The following USP34 variants were observed in gnomAD, a reference collection of about 807,000 sequenced individuals.
USP34 encodes the protein ubiquitin specific peptidase 34.
USP34 carries 70 observed loss-of-function variants against 460.3 expected under a neutral mutation model. The observed-to-expected ratio is 0.15, with a 90% CI of 0.13 to 0.19. The LOEUF is 0.19. Among genes scored for constraint, USP34 ranks in the 10% least tolerant of loss-of-function variants. USP34 has a pLI of 1.00. For missense variants in USP34, 3,985 were observed against 4,236.2 expected, an observed-to-expected ratio of 0.94 and a Z score of 1.65; for synonymous variants, 1,647 against 1,405.3, an observed-to-expected ratio of 1.17 and a Z score of -3.85.
intron 10 of USP34, 42 bp from the exon 11 acceptor site, chr2:61,350,735 C>A: frequency 6.3e-7 from 1 of 1,588,126 alleles, no homozygotes; most frequent in Non-Finnish European, 8.6e-7. Flanking sequence ...AATAATTGCC[C>A]AATACATGTA....
At chr2:61,327,330 T>C (rs1031042376) in intron 20 of USP34, among the ~76,000 whole-genome samples, 1 of 152,162 alleles carries the variant, frequency 6.6e-6, no homozygotes, top group African/African-American at 2.4e-5. Context: ...TGAAAATACA[T>C]ATGACGAGAT....
intron 18 of USP34, 136 bp downstream of exon 18, chr2:61,339,215 A>G: frequency 1.2e-6 from 1 of 857,188 alleles, no homozygotes; most frequent in Middle Eastern, 2.4e-4. Flanking sequence ...TTTCATATGA[A>G]AACTATAATT....
chr2:61,403,920 G>T (rs1254867848), intron 3 of USP34, among the ~76,000 whole-genome samples: 1 of 146,682 alleles, frequency 6.8e-6, no homozygotes, highest in African/African-American at 2.5e-5. Context: ...GTGAACCCGG[G>T]AGGCGGAGCT....
At chr2:61,335,374 T>C (rs922491865) in intron 18 of USP34, among the ~76,000 whole-genome samples, 1 of 152,224 alleles carries the variant, frequency 6.6e-6, no homozygotes, top group Non-Finnish European at 1.5e-5. Context: ...ACAAATTCTT[T>C]CAAGACTGAA....
intron 1 of USP34, among the ~76,000 whole-genome samples, chr2:61,451,716 G>T (rs1004015623): frequency 6.6e-6 from 1 of 151,102 alleles, no homozygotes; most frequent in African/African-American, 2.4e-5. Flanking sequence ...AAACCAGACA[G>T]ACCTGGCATT....
chr2:61,447,822 TCTC>T (rs1695162991), intron 1 of USP34, among the ~76,000 whole-genome samples: 1 of 152,144 alleles, frequency 6.6e-6, no homozygotes, highest in South Asian at 2.1e-4. Flanking sequence ...ATCAAGCCAT[TCTC>T]CTGCCTCAGC....
intron 10 of USP34, among the ~76,000 whole-genome samples, chr2:61,353,575 GT>G (rs577248922): frequency 1.0e-4 from 8 of 78,666 alleles, no homozygotes; most frequent in Non-Finnish European, 1.4e-4. Flanking sequence ...TTTTGTTTTT[GT>G]TTTTTTTGTT....
At chr2:61,273,402 A>G (rs970714895) in intron 41 of USP34, among the ~76,000 whole-genome samples, 1 of 152,212 alleles carries the variant, frequency 6.6e-6, no homozygotes, top group Non-Finnish European at 1.5e-5. Flanking sequence ...CCAGGAAAAT[A>G]CTGAAAAGAA....
At chr2:61,236,416 G>A in intron 53 of USP34, 27 bp from the exon 54 acceptor site, 1 of 1,522,676 alleles carries the variant, frequency 6.6e-7, no homozygotes, top group Middle Eastern at 1.9e-4. Context: ...TAACATTAGT[G>A]ATAAAGCAGT....
At chr2:61,193,591 T>C (rs1686705718) in intron 75 of USP34, among the ~76,000 whole-genome samples, 1 of 152,154 alleles carries the variant, frequency 6.6e-6, no homozygotes, top group African/African-American at 2.4e-5. Context: ...TTCTTGACTA[T>C]TCCAGATGTA....
intron 41 of USP34, among the ~76,000 whole-genome samples, chr2:61,273,352 A>G (rs1416638419): frequency 6.6e-6 from 1 of 152,226 alleles, no homozygotes; most frequent in Non-Finnish European, 1.5e-5. Flanking sequence ...TTAAAGAACT[A>G]GATGAACTGA....
chr2:61,464,650 G>T (rs958143124), intron 1 of USP34, among the ~76,000 whole-genome samples: 1 of 149,054 alleles, frequency 6.7e-6, no homozygotes, highest in Non-Finnish European at 1.5e-5. Context: ...CCAGGAGGCG[G>T]AGGTTGCAGT....
Position 61,281,169 on chromosome 2 carries a change from A to C in USP34, c.5072T>G (p.Ile1691Ser), listed in dbSNP as rs762590842. ...SLSGLDGGDS[I>S]NRSFLLLAAS... ...AGCCAATAGCAGAAAAGAACGATTG[A>C]TTGAGTCTCCTCCATCCAGCCCTGA... The change falls in exon 38 of 80, where the codon ATC becomes AGC. Residue 1691 changes from isoleucine (I) to serine (S), a missense_variant. Around this residue, in one of 14 missense-constraint regions of USP34, gnomAD observed 1,114 missense variants for 1,122.5 expected, o/e 0.99. Coordinates refer to ENST00000398571, the MANE Select transcript of USP34 (RefSeq NM_014709.4). The C allele has an allele frequency of 1.9e-6, 3 of 1,613,924 alleles. No individual in the cohort carries two copies. The highest frequency in any genetic ancestry group is 2.5e-6 in the Non-Finnish European group (3 of 1,179,958).
intron 53 of USP34, 124 bp downstream of exon 53, chr2:61,241,436 T>C: frequency 1.6e-6 from 1 of 609,914 alleles, no homozygotes; most frequent in South Asian, 2.5e-5. Context: ...TATTTGTAAA[T>C]ACTCTTAAGA....
chr2:61,302,528 AAT>A (rs1690261399), intron 27 of USP34, among the ~76,000 whole-genome samples: 1 of 152,194 alleles, frequency 6.6e-6, no homozygotes, highest in South Asian at 2.1e-4. Context: ...TGGCCCTCAA[AAT>A]GGTTTGACAA....
At chr2:61,278,690 G>A (rs768590630) in intron 39 of USP34, among the ~76,000 whole-genome samples, 5 of 151,768 alleles carry the variant, frequency 3.3e-5, no homozygotes, top group South Asian at 2.1e-4. Flanking sequence ...AGTCAATGAC[G>A]ATTTAATGGG....
chr2:61,341,308 A>G (rs1339906659), intron 16 of USP34, among the ~76,000 whole-genome samples: 1 of 152,146 alleles, frequency 6.6e-6, no homozygotes, highest in Non-Finnish European at 1.5e-5. Context: ...TTGAGTAAAA[A>G]CCTAAGGCAA....
chr2:61,397,099 G>A (rs1249648593), intron 3 of USP34, among the ~76,000 whole-genome samples: 2 of 152,132 alleles, frequency 1.3e-5, no homozygotes, highest in Non-Finnish European at 2.9e-5. Context: ...AGAAAAAAGA[G>A]AAGTTCAAAG....
chr2:61,397,360 T>C (rs1449135215), intron 3 of USP34, among the ~76,000 whole-genome samples: 1 of 151,056 alleles, frequency 6.6e-6, no homozygotes, highest in Non-Finnish European at 1.5e-5. Flanking sequence ...GGAGAACTGC[T>C]TGAACCCAGG....
Sources: gnomAD v4.1 joint callset for allele counts (sites outside exome capture counted in the v4.1 genomes callset) on GRCh38, gnomAD v4.1.1 for gene constraint, gnomAD v4.1.1 regional missense constraint, MANE v1.5 for transcripts, NCBI Gene and HGNC (gene_info 2026-07-23, HGNC 2026-07-21) for gene names.